Variants in DDX6 observed in about 807,000 individuals in gnomAD.
DDX6 encodes probable ATP-dependent RNA helicase DDX6.
Under a neutral mutation model 60.6 loss-of-function variants are expected in DDX6, and 7 were observed. The ratio of observed to expected loss-of-function variants is 0.12; its 90% CI spans 0.07 to 0.22. DDX6 has a LOEUF of 0.22. Among genes scored for constraint, DDX6 ranks in the 10% least tolerant of loss-of-function variants. The probability of loss-of-function intolerance (pLI) is 1.00; values close to 1 mark genes in which losing one functional copy is unlikely to be tolerated. For missense variants in DDX6, 270 were observed against 589.9 expected (o/e 0.46, Z 5.62); for synonymous variants, 207 against 201.0 (o/e 1.03, Z -0.25).
rs1806738255 is a variant in DDX6, at chr11:118,751,065, A to AG, written c.*1039_*1040insC. 1 of 114,060 alleles carries AG rather than the reference A, an allele frequency of 8.8e-6. No homozygotes were observed. The highest frequency in any genetic ancestry group is 1.9e-5 in the Non-Finnish European group (1 of 53,584). The allele number at this position is 114,060 out of a possible 1,614,324, so 7.1% of individuals were successfully genotyped here. The stretch of plus-strand genomic sequence containing the variant: ...TTCATCCAAAAAAAAATATATATAT[A>AG]TGTATATATATATATATATATGAAC... On this transcript the variant is annotated 3_prime_UTR_variant, in exon 14 of 14. Transcript: ENST00000534980.
At chr11:118,769,977 G>A (rs1861482725) in intron 4 of DDX6, among the ~76,000 whole-genome samples, 1 of 151,988 alleles carries the variant, frequency 6.6e-6, no homozygotes, top group African/African-American at 2.4e-5. Context: ...CAAAGTGCTG[G>A]GATTACAGGC....
intron 2 of DDX6, among the ~76,000 whole-genome samples, chr11:118,784,879 T>C (rs982935962): frequency 2.0e-5 from 3 of 152,086 alleles, no homozygotes; most frequent in South Asian, 2.1e-4. Context: ...GCCTCCCAAG[T>C]AGCATTATGG....
rs1359306450 is a variant in DDX6, at chr11:118,750,167, C to A, written c.*1938G>T. 6.6e-6 allele frequency: 1 copy of A among 152,374 alleles called. No individual in the cohort carries two copies. The highest frequency in any genetic ancestry group is 1.5e-5 in the Non-Finnish European group (1 of 67,994). The allele number at this position is 152,374 out of a possible 1,614,324, so 9.4% of individuals were successfully genotyped here. ...GTTTTGAAAAATAAAATATGGAAAT[C>A]AATTTTTTTTAATTTTGTTTTTTGC... is the stretch of plus-strand genomic sequence containing the variant. On this transcript the variant is annotated 3_prime_UTR_variant, in exon 14 of 14. Transcript: ENST00000534980.
At chr11:118,761,139 TC>T (rs1861152335) in intron 7 of DDX6, among the ~76,000 whole-genome samples, 1 of 151,128 alleles carries the variant, frequency 6.6e-6, no homozygotes, top group East Asian at 2.0e-4. Flanking sequence ...AGACTCTGTC[TC>T]AAAAAAAAGT....
chr11:118,786,859 T>C (rs1199752065), intron 1 of DDX6: 1 of 152,264 alleles, frequency 6.6e-6, no homozygotes, highest in Non-Finnish European at 1.5e-5. Flanking sequence ...TAAAAGTCAG[T>C]GATTCATTAT....
intron 4 of DDX6, among the ~76,000 whole-genome samples, chr11:118,777,243 GT>G (rs1397410264): frequency 7.2e-5 from 4 of 55,598 alleles, no homozygotes; most frequent in African/African-American, 2.1e-4. Flanking sequence ...CTCCACACAT[GT>G]TGGCTCAATG....
rs1178601405 is a variant in DDX6 at position 118,748,353 on chromosome 11, G to A, written c.*3752C>T. On this transcript the variant is annotated 3_prime_UTR_variant, in exon 14 of 14. Coordinates refer to ENST00000534980, the MANE Select transcript of DDX6 (RefSeq NM_004397.6). ...CAAAGATGAGTTTTTAGATCAGAAA[G>A]GAGAGCAGATTTTCTTTGGGAGTTT... The A allele has an allele frequency of 1.3e-5, 2 of 152,104 alleles. No homozygotes were observed. Among genetic ancestry groups the A allele is most frequent in the East Asian group, 3.9e-4 (2 of 5,192 alleles). 9.4% of individuals were successfully genotyped at this position (152,104 alleles called of 1,614,324 possible).
chr11:118,786,147 G>T lies in DDX6; in HGVS notation c.105C>A (p.Gly35=). ...VKPTGGPGGG[G]TQTQQQMNQL... The stretch of plus-strand genomic sequence containing the variant: ...GGTTCATCTGTTGCTGTGTCTGTGT[G>T]CCCCCTCCTCCAGGGCCACCAGTGG... The change falls in exon 2 of 14, where the codon GGC becomes GGA. Residue 35 remains glycine, a synonymous_variant. Transcript: ENST00000534980. 1 of 1,613,922 alleles carries T rather than the reference G, an allele frequency of 6.2e-7. No individual in the cohort carries two copies. Among genetic ancestry groups the T allele is most frequent in the Non-Finnish European group, 8.5e-7 (1 of 1,179,894 alleles).
intron 6 of DDX6, 49 bp downstream of exon 6, chr11:118,765,160 T>G: frequency 6.3e-7 from 1 of 1,583,730 alleles, no homozygotes. Context: ...GAAATACTTG[T>G]GACTAAAATA....
intron 5 of DDX6, among the ~76,000 whole-genome samples, chr11:118,766,128 T>TA (rs1861346811): frequency 6.6e-6 from 1 of 151,840 alleles, no homozygotes; most frequent in African/African-American, 2.4e-5. Flanking sequence ...CGAGATGTAT[T>TA]AAAAAATTGG....
At chr11:118,765,178 GC>G in intron 6 of DDX6, 30 bp downstream of exon 6, 1 of 1,606,970 alleles carries the variant, frequency 6.2e-7, no homozygotes, top group Non-Finnish European at 8.5e-7. Context: ...ATAACAGAGA[GC>G]TACACTACCT....
At chr11:118,777,024 G>A (rs1234678377) in intron 4 of DDX6, among the ~76,000 whole-genome samples, 1 of 151,806 alleles carries the variant, frequency 6.6e-6, no homozygotes, top group Admixed American at 6.6e-5. Context: ...ATTACCCAGC[G>A]TTCTCTGCTT....
chr11:118,790,488 C>G (rs61901410), intron 1 of DDX6: 13,118 of 152,130 alleles, frequency 0.086, 770 homozygotes, highest in Middle Eastern at 0.15. Flanking sequence ...AATCAAGCAG[C>G]GGCCGGTTTG....
chr11:118,754,982 T>C (rs1860916260), intron 12 of DDX6, 95 bp from the exon 13 acceptor site: 1 of 1,089,504 alleles, frequency 9.2e-7, no homozygotes, highest in Admixed American at 2.7e-5. Flanking sequence ...ACAGGATTGA[T>C]AATGATGTTC....
intron 2 of DDX6, among the ~76,000 whole-genome samples, chr11:118,782,950 G>A (rs1417118485): frequency 6.6e-6 from 1 of 152,164 alleles, no homozygotes; most frequent in Non-Finnish European, 1.5e-5. Flanking sequence ...TTTCATCTAA[G>A]CCTGTATCAT....
At chr11:118,767,622 CCGCCTTTTTT>C (rs1861398278) in intron 5 of DDX6, 1 of 130,748 alleles carries the variant, frequency 7.6e-6, no homozygotes. Flanking sequence ...ATGACCTCAG[CCGCCTTTTTT>C]TTTTTTTTTT....
In DDX6 at chr11:118,778,114, T is replaced by C. The variant is rs369000016; in HGVS notation, c.369+1518A>G. On this transcript the variant is annotated intron_variant, in intron 4 of 13. Transcript: ENST00000534980. ...GATGAGGGGAAGGGAAGTTTCTTCTTTATAGGGGCAAATACAGAGGGAGTG... is the reference window on the plus strand; with the variant it reads ...GATGAGGGGAAGGGAAGTTTCTTCTCTATAGGGGCAAATACAGAGGGAGTG... Among the ~76,000 whole-genome samples the C allele has an allele frequency of 2.1e-3, 314 of 152,098 alleles. 10 individuals are homozygous for C. The South Asian group carries it at 0.063, about 30-fold the overall frequency.
chr11:118,768,493 C>T (rs1471734793), intron 4 of DDX6, 141 bp from the exon 5 acceptor site: 1 of 814,456 alleles, frequency 1.2e-6, no homozygotes, highest in African/African-American at 1.7e-5. Context: ...ACATGAATAG[C>T]AGAGATCCAA....
intron 4 of DDX6, among the ~76,000 whole-genome samples, chr11:118,777,244 T>C (rs1171398079): frequency 6.6e-6 from 1 of 151,150 alleles, no homozygotes; most frequent in African/African-American, 2.4e-5. Context: ...TCCACACATG[T>C]TGGCTCAATG....
Sources: gnomAD v4.1 joint callset for allele counts (sites outside exome capture counted in the v4.1 genomes callset) on GRCh38, gnomAD v4.1.1 for gene constraint, MANE v1.5 for transcripts, NCBI Gene and HGNC (gene_info 2026-07-23, HGNC 2026-07-21) for gene names.